The following PPARA variants were observed in gnomAD, a reference collection of about 807,000 sequenced individuals.
PPARA encodes the protein peroxisome proliferator activated receptor alpha.
A neutral mutation model predicts 42.2 loss-of-function variants in PPARA; 22 were observed. The ratio of observed to expected loss-of-function variants is 0.52; its 90% CI spans 0.37 to 0.74. The LOEUF is 0.74. PPARA is among the 30% of genes least tolerant of loss of function. The pLI, the probability that PPARA is intolerant of heterozygous loss-of-function variation, is 0.00. For synonymous variants in PPARA, 242 were observed against 239.3 expected (o/e 1.01, Z -0.10); for missense variants, 465 against 608.2 (o/e 0.76, Z 2.48).
At chr22:46,229,164 T>A (rs973045292) in intron 7 of PPARA, among the ~76,000 whole-genome samples, 1 of 151,848 alleles carries the variant, frequency 6.6e-6, no homozygotes, top group African/African-American at 2.4e-5. Flanking sequence ...TTTAGAAAGA[T>A]TGAGTGATTT....
chr22:46,170,776 G>T (rs1316280387), intron 2 of PPARA, among the ~76,000 whole-genome samples: 3 of 151,750 alleles, frequency 2.0e-5, no homozygotes, highest in Non-Finnish European at 4.4e-5. Flanking sequence ...CCCCTGGAGG[G>T]ATCCTGAGCA....
chr22:46,232,549 T>C lies in PPARA; in HGVS notation c.1159+310T>C, dbSNP rs1038805784. On this transcript the variant is annotated intron_variant, in intron 8 of 8. Coordinates refer to ENST00000407236, the MANE Select transcript of PPARA (RefSeq NM_005036.6). This position sits in a 1 kb window ranked among gnomAD's most constrained non-coding sequence, Gnocchi z 5.3. ...CCTTTAGTCCCAGCTACTTACTCAG[T>C]AGACTGAGGCAAAAGGATCTCTTGA... Among the ~76,000 whole-genome samples, 3 of 152,008 alleles carry C rather than the reference T, an allele frequency of 2.0e-5. No individual in the cohort carries two copies. Among genetic ancestry groups the C allele is most frequent in the African/African-American group, 4.8e-5 (2 of 41,396 alleles).
At chr22:46,175,713 TAAA>T (rs869225389) in intron 2 of PPARA, among the ~76,000 whole-genome samples, 2 of 133,174 alleles carry the variant, frequency 1.5e-5, no homozygotes, top group African/African-American at 2.8e-5. Flanking sequence ...GACTCCATCT[TAAA>T]AAAAAAAAAA....
rs1601843139 is a variant in PPARA at position 46,242,579 on chromosome 22, C to A, written c.*7199C>A. ...TATCCTAATACAAATATTTTACTAA[C>A]TTACAATCACTCATTTAATAAGAAA... On this transcript the variant is annotated 3_prime_UTR_variant, in exon 9 of 9. Coordinates refer to ENST00000407236, the MANE Select transcript of PPARA (RefSeq NM_005036.6). The surrounding 1 kb of genome is among the most constrained non-coding windows in gnomAD (Gnocchi z 6.1). The A allele has an allele frequency of 6.6e-6, 1 of 152,632 alleles. No individual in the cohort carries two copies. The highest frequency in any genetic ancestry group is 1.9e-4 in the East Asian group (1 of 5,206). 9.5% of individuals were successfully genotyped at this position (152,632 alleles called of 1,614,324 possible). A position where few individuals can be genotyped will look rare whatever the true frequency, so the allele number is the denominator to read the frequency against.
chr22:46,235,526 T>G lies in PPARA; in HGVS notation c.*146T>G. The G allele has an allele frequency of 9.5e-7, 1 of 1,052,492 alleles. No individual in the cohort carries two copies. The highest frequency in any genetic ancestry group is 1.4e-6 in the Non-Finnish European group (1 of 716,786). 65.2% of individuals were successfully genotyped at this position (1,052,492 alleles called of 1,614,324 possible). ...GTCTGAGCTGTAGGTAACCGGCATATTATTCCATATCTTTGTTTTAACCAG... is the reference window on the plus strand; with the variant it reads ...GTCTGAGCTGTAGGTAACCGGCATAGTATTCCATATCTTTGTTTTAACCAG... On this transcript the variant is annotated 3_prime_UTR_variant, in exon 9 of 9. Transcript: ENST00000407236. The surrounding 1 kb of genome is among the most constrained non-coding windows in gnomAD (Gnocchi z 7.0).
At position 46,232,322 on chromosome 22, in the gene PPARA, C is replaced by T; in HGVS notation, c.1159+83C>T. On this transcript the variant is annotated intron_variant, in intron 8 of 8. Transcript: ENST00000407236. This position sits in a 1 kb window ranked among gnomAD's most constrained non-coding sequence, Gnocchi z 5.3. Reference sequence around the variant, plus strand: ...AATTTGACAATGGGAAATCCAGTACCAGCCTGAGCTGTTCCAGTGGAGGGG... The same window carrying T: ...AATTTGACAATGGGAAATCCAGTACTAGCCTGAGCTGTTCCAGTGGAGGGG... The T allele has an allele frequency of 7.1e-7, 1 of 1,416,846 alleles. No homozygotes were observed. Among genetic ancestry groups the T allele is most frequent in the Non-Finnish European group, 1.0e-6 (1 of 1,004,262 alleles). The allele number at this position is 1,416,846 out of a possible 1,614,324, so 87.8% of individuals were successfully genotyped here.
intron 7 of PPARA, among the ~76,000 whole-genome samples, chr22:46,228,968 A>G (rs1935672800): frequency 6.6e-6 from 1 of 151,626 alleles, no homozygotes; most frequent in South Asian, 2.1e-4. Flanking sequence ...TGAGCTGGGC[A>G]TGGTGGCGGG....
intron 4 of PPARA, among the ~76,000 whole-genome samples, chr22:46,199,398 C>T (rs184629780): frequency 1.2e-4 from 19 of 152,184 alleles, no homozygotes; most frequent in Non-Finnish European, 1.9e-4. Context: ...TTTGGAAGGC[C>T]GAGGCAAGTG....
At position 46,161,098 on chromosome 22, in the gene PPARA, C is replaced by T. The variant is rs1479847431; in HGVS notation, c.-127+9128C>T. Among the ~76,000 whole-genome samples, 3 of 152,008 alleles carry T rather than the reference C, an allele frequency of 2.0e-5. No individual in the cohort carries two copies. The highest frequency in any genetic ancestry group is 4.4e-5 in the Non-Finnish European group (3 of 68,012). On this transcript the variant is annotated intron_variant, in intron 2 of 8. Transcript: ENST00000407236. The surrounding 1 kb of genome is among the most constrained non-coding windows in gnomAD (Gnocchi z 4.8). The stretch of plus-strand genomic sequence containing the variant: ...TATAAGACTTAAAAGAAACAAGAAC[C>T]CAGAGGGAAAATATGGCCATGGACT...
In PPARA at chr22:46,187,417, C is replaced by A. The variant is rs2147304185; in HGVS notation, c.-43+10581C>A. Among the ~76,000 whole-genome samples the A allele has an allele frequency of 6.6e-6, 1 of 152,338 alleles. No individual in the cohort carries two copies. Among genetic ancestry groups the A allele is most frequent in the East Asian group, 1.9e-4 (1 of 5,184 alleles). Reference sequence around the variant, plus strand: ...ATTCATCCTAGACTCTGTCCCAGGTCCCTGGTCCAGGCAGCTGCCAGTTGT... The same window carrying A: ...ATTCATCCTAGACTCTGTCCCAGGTACCTGGTCCAGGCAGCTGCCAGTTGT... On this transcript the variant is annotated intron_variant, in intron 3 of 8. Transcript: ENST00000407236. This position sits in a 1 kb window ranked among gnomAD's most constrained non-coding sequence, Gnocchi z 4.9.
At position 46,238,930 on chromosome 22, in the gene PPARA, C is replaced by G. The variant is rs890144622; in HGVS notation, c.*3550C>G. 1 of 152,354 alleles carries G rather than the reference C, an allele frequency of 6.6e-6. No individual in the cohort carries two copies. Among genetic ancestry groups the G allele is most frequent in the African/African-American group, 2.4e-5 (1 of 41,454 alleles). 9.4% of individuals were successfully genotyped at this position (152,354 alleles called of 1,614,324 possible). A position where few individuals can be genotyped will look rare whatever the true frequency, so the allele number is the denominator to read the frequency against. On this transcript the variant is annotated 3_prime_UTR_variant, in exon 9 of 9. Transcript: ENST00000407236. The surrounding 1 kb of genome is among the most constrained non-coding windows in gnomAD (Gnocchi z 8.3). ...GAGCACGGGCTGACGGCTGCTGGTG[C>G]CTTTCTTCCCACCTCGCTTGCCTGT...
Position 46,230,214 on chromosome 22 carries a change from A to T in PPARA, c.712-1578A>T, listed in dbSNP as rs1185749873. 6.6e-6 allele frequency among the ~76,000 whole-genome samples: 1 copy of T among 152,204 alleles called. No homozygotes were observed. Among genetic ancestry groups the T allele is most frequent in the Non-Finnish European group, 1.5e-5 (1 of 68,036 alleles). On this transcript the variant is annotated intron_variant, in intron 7 of 8. Coordinates refer to ENST00000407236, the MANE Select transcript of PPARA (RefSeq NM_005036.6). The surrounding 1 kb of genome is among the most constrained non-coding windows in gnomAD (Gnocchi z 5.0). ...TGGTGTAACCCCGTCTCTACTAAAA[A>T]TACAAAATTAGCTGGGCGTGGTGGC...
Position 46,215,264 on chromosome 22 carries a change from C to T in PPARA, c.300C>T (p.Ile100=), listed in dbSNP as rs1229986981. 6.2e-7 allele frequency: 1 copy of T among 1,614,124 alleles called. No homozygotes were observed. Among genetic ancestry groups the T allele is most frequent in the Non-Finnish European group, 8.5e-7 (1 of 1,180,034 alleles). Residue 100 remains isoleucine (I), a synonymous_variant, in exon 5 of 9, where the codon ATC becomes ATT. Transcript: ENST00000407236. ...VDESPSGALN[I]ECRICGDKAS... ...AGTCTCCCAGTGGAGCATTGAACAT[C>T]GAATGTAGAATCTGCGGGGACAAGG...
In PPARA at chr22:46,200,466, C is replaced by T. The variant is rs181464608; in HGVS notation, c.208+1875C>T. Among the ~76,000 whole-genome samples the T allele has an allele frequency of 2.6e-3, 402 of 152,332 alleles. No homozygotes were observed. The highest frequency in any genetic ancestry group is 8.3e-3 in the African/African-American group (345 of 41,580). ...TGTGACACAATGGTAAGTATTTGTG[C>T]GTCTAAACATACCAAAACATATAGT... On this transcript the variant is annotated intron_variant, in intron 4 of 8. Coordinates refer to ENST00000407236, the MANE Select transcript of PPARA (RefSeq NM_005036.6). This position sits in a 1 kb window ranked among gnomAD's most constrained non-coding sequence, Gnocchi z 4.8.
chr22:46,204,074 T>C lies in PPARA; in HGVS notation c.208+5483T>C, dbSNP rs1933006925. Among the ~76,000 whole-genome samples the C allele has an allele frequency of 6.6e-6, 1 of 152,260 alleles. No homozygotes were observed. Among genetic ancestry groups the C allele is most frequent in the Non-Finnish European group, 1.5e-5 (1 of 68,046 alleles). ...CACTTTCTATCATTCTAGGTTGCTT[T>C]ATATTTCCTAGAATTTTATATAAAT... On this transcript the variant is annotated intron_variant, in intron 4 of 8. Transcript: ENST00000407236. The surrounding 1 kb of genome is among the most constrained non-coding windows in gnomAD (Gnocchi z 5.2).
At position 46,231,187 on chromosome 22, in the gene PPARA, G is replaced by A. The variant is rs1178296326; in HGVS notation, c.712-605G>A. On this transcript the variant is annotated intron_variant, in intron 7 of 8. Transcript: ENST00000407236. This position sits in a 1 kb window ranked among gnomAD's most constrained non-coding sequence, Gnocchi z 7.7. ...TTCTCCTGCCTCAGCCTCCCGAGTA[G>A]CTGGGGTTACAGGCACACACTATGC... Among the ~76,000 whole-genome samples, 1 of 151,802 alleles carries A rather than the reference G, an allele frequency of 6.6e-6. No individual in the cohort carries two copies. The highest frequency in any genetic ancestry group is 1.5e-5 in the Non-Finnish European group (1 of 67,972).
intron 3 of PPARA, among the ~76,000 whole-genome samples, chr22:46,178,576 A>C (rs1929508072): frequency 6.6e-6 from 1 of 152,208 alleles, no homozygotes; most frequent in Non-Finnish European, 1.5e-5. Flanking sequence ...TATCCAAAGC[A>C]AAGTATGAGA....
rs1929828791 is a variant in PPARA at position 46,180,706 on chromosome 22, CT to C, written c.-43+3871del. 6.6e-6 allele frequency among the ~76,000 whole-genome samples: 1 copy of C among 152,154 alleles called. No homozygotes were observed. Among genetic ancestry groups the C allele is most frequent in the African/African-American group, 2.4e-5 (1 of 41,430 alleles). ...CTTCTTTGTTTGGTGCTCTGACTTTCTGGATGCAAGTCCACTGAGCCAGTGT... is the reference window on the plus strand; with the variant it reads ...CTTCTTTGTTTGGTGCTCTGACTTTCGGATGCAAGTCCACTGAGCCAGTGT... On this transcript the variant is annotated intron_variant, in intron 3 of 8. Transcript: ENST00000407236. This position sits in a 1 kb window ranked among gnomAD's most constrained non-coding sequence, Gnocchi z 4.2.
Position 46,155,064 on chromosome 22 carries a change from T to C in PPARA, c.-127+3094T>C, listed in dbSNP as rs4253624. ...AAAATATGTATTTGCTTATTATAAA[T>C]ATATTTGAAACATGCCAATTTTTCT... On this transcript the variant is annotated intron_variant, in intron 2 of 8. Transcript: ENST00000407236. The C allele has an allele frequency of 6.1e-3, 795 of 130,558 alleles. 7 individuals carry two copies. Among genetic ancestry groups the C allele is most frequent in the African/African-American group, 0.022 (756 of 34,292 alleles). 8.1% of individuals were successfully genotyped at this position (130,558 alleles called of 1,614,324 possible).
Sources: allele counts gnomAD v4.1 joint callset (sites outside exome capture counted in the v4.1 genomes callset), GRCh38; gene constraint gnomAD v4.1.1; non-coding constraint Gnocchi (gnomAD v3.1); transcripts MANE v1.5; gene names NCBI Gene and HGNC (gene_info 2026-07-23, HGNC 2026-07-21).